Variants in SCN7A observed in about 807,000 individuals in gnomAD.
SCN7A encodes sodium channel protein type 7 subunit alpha.
In SCN7A, 138 loss-of-function variants were observed where a neutral mutation model predicts 155.2. The ratio of observed to expected loss-of-function variants is 0.89; its 90% CI spans 0.77 to 1.02. The LOEUF (loss-of-function observed/expected upper bound fraction) is 1.02. SCN7A is among the 50% of genes least tolerant of loss of function. SCN7A has a pLI of 0.00. For synonymous variants in SCN7A, 693 were observed against 649.0 expected (o/e 1.07, Z -1.03); for missense variants, 2,058 against 1,986.6 (o/e 1.04, Z -0.68).
chr2:166,489,933 A>G (rs1036148449), intron 1 of SCN7A, among the ~76,000 whole-genome samples: 1 of 152,088 alleles, frequency 6.6e-6, no homozygotes, highest in East Asian at 1.9e-4. Flanking sequence ...ATTTTAAAAA[A>G]TATTTTGTCT....
At chr2:166,481,391 T>C (rs35473442) in intron 2 of SCN7A, among the ~76,000 whole-genome samples, 17,873 of 152,166 alleles carry the variant, frequency 0.12, 1,230 homozygotes, top group Middle Eastern at 0.16. Flanking sequence ...AAATTTGCTG[T>C]ATTAGAATGG....
rs749166945 is a variant in SCN7A at position 166,406,510 on chromosome 2, C to G, written c.4119G>C (p.Leu1373Phe). Residue 1373 changes from leucine to phenylalanine, a missense_variant, in exon 26 of 26, where the codon TTG (leucine) becomes TTC (phenylalanine). Leu to Phe is a conservative substitution (Grantham distance 22). Coordinates refer to ENST00000643258, the MANE Select transcript of SCN7A (RefSeq NM_002976.4). ...PKVFHNLMLP[L>F]MLSLPALLNI... ...TCAATAATGCTGGGAGGGACAGCAT[C>G]AAAGGAAGCATCAGATTATGAAACA... 2 of 1,612,738 alleles carry G rather than the reference C, an allele frequency of 1.2e-6. No individual in the cohort carries two copies. Among genetic ancestry groups the G allele is most frequent in the South Asian group, 2.2e-5 (2 of 91,046 alleles).
chr2:166,413,243 A>G (rs1439708191), intron 21 of SCN7A, 122 bp from the exon 22 acceptor site: 1 of 466,898 alleles, frequency 2.1e-6, no homozygotes, highest in African/African-American at 2.0e-5. Flanking sequence ...ATACTGTGTA[A>G]TTGGGATCCT....
chr2:166,466,507 T>A (rs1354692546), intron 7 of SCN7A, among the ~76,000 whole-genome samples: 3 of 152,092 alleles, frequency 2.0e-5, no homozygotes, highest in African/African-American at 2.4e-5. Flanking sequence ...AATAGAGAAC[T>A]CAAACCTAAA....
intron 11 of SCN7A, among the ~76,000 whole-genome samples, chr2:166,450,090 T>A (rs1013819513): frequency 4.6e-5 from 7 of 152,002 alleles, no homozygotes; most frequent in Non-Finnish European, 1.0e-4. Flanking sequence ...GTAGACTAAA[T>A]AAAGAAAATG....
intron 20 of SCN7A, among the ~76,000 whole-genome samples, chr2:166,418,020 G>A (rs1701416446): frequency 6.6e-6 from 1 of 151,724 alleles, no homozygotes; most frequent in African/African-American, 2.4e-5. Flanking sequence ...CTCCACTGAA[G>A]CTGCTACGGC....
At chr2:166,439,565 C>T (rs540232208) in intron 15 of SCN7A, among the ~76,000 whole-genome samples, 59 of 152,256 alleles carry the variant, frequency 3.9e-4, no homozygotes, top group African/African-American at 1.4e-3. Context: ...CACATCCAAA[C>T]TGAAGCAAGA....
Position 166,456,928 on chromosome 2 carries a change from A to T in SCN7A, c.1232T>A (p.Ile411Asn), listed in dbSNP as rs1451216732. The change falls in exon 11 of 26, where the codon ATT (isoleucine) becomes AAT (asparagine). Residue 411 changes from isoleucine (I) to asparagine (N), a missense_variant. By Grantham distance (149) the Ile-to-Asn change is moderately radical (BLOSUM62 -3). Coordinates refer to ENST00000643258, the MANE Select transcript of SCN7A (RefSeq NM_002976.4). ...TCCAGTCTGTTGAAATTTTGGTTCA[A>T]TCTTCTTAGATATTTCACCAACTCT... ...KQRVGEISKKIEPKFQQTGKE... is the reference protein window; with the variant it reads ...KQRVGEISKKNEPKFQQTGKE... 6.4e-7 allele frequency: 1 copy of T among 1,567,436 alleles called. No individual in the cohort carries two copies. Among genetic ancestry groups the T allele is most frequent in the East Asian group, 2.3e-5 (1 of 42,608 alleles).
intron 14 of SCN7A, among the ~76,000 whole-genome samples, chr2:166,443,122 G>A (rs1309549894): frequency 6.6e-6 from 1 of 151,912 alleles, no homozygotes; most frequent in East Asian, 1.9e-4. Flanking sequence ...ACATTCTCCT[G>A]GTCTGACTGG....
At chr2:166,456,378 C>T (rs1319742088) in intron 11 of SCN7A, among the ~76,000 whole-genome samples, 2 of 151,708 alleles carry the variant, frequency 1.3e-5, no homozygotes, top group Non-Finnish European at 2.9e-5. Context: ...TAAAAAGATG[C>T]TCTAATAAAG....
chr2:166,477,215 C>G (rs1486240198), intron 3 of SCN7A, among the ~76,000 whole-genome samples: 1 of 151,834 alleles, frequency 6.6e-6, no homozygotes, highest in Non-Finnish European at 1.5e-5. Context: ...TTAAGGCATA[C>G]TAATACATAT....
At chr2:166,414,473 A>G (rs2105374660) in intron 21 of SCN7A, 1 of 139,190 alleles carries the variant, frequency 7.2e-6, no homozygotes, top group East Asian at 2.1e-4. Context: ...ATATATATAT[A>G]TATATATATA....
intron 23 of SCN7A, 147 bp from the exon 24 acceptor site, chr2:166,410,471 T>C: frequency 1.7e-6 from 1 of 586,056 alleles, no homozygotes; most frequent in South Asian, 2.4e-5. Flanking sequence ...TGTTTGAACA[T>C]GTCTGACTTT....
chr2:166,456,821 TATATATATAG>T lies in SCN7A; in HGVS notation c.1290+39_1290+48del, dbSNP rs753045408. Reference sequence around the variant, plus strand: ...AGACTAAAATATATATATATATATATATATATATAGATAGATAGATAGATAGATAGATAGA... The same window carrying T: ...AGACTAAAATATATATATATATATATATAGATAGATAGATAGATAGATAGA... On this transcript the variant is annotated intron_variant, in intron 11 of 25. Transcript: ENST00000643258. 2.3e-3 allele frequency: 1,575 copies of T among 682,142 alleles called. 2 individuals are homozygous for T. Among genetic ancestry groups the T allele is most frequent in the East Asian group, 4.2e-3 (110 of 26,438 alleles). 42.3% of individuals were successfully genotyped at this position (682,142 alleles called of 1,614,324 possible). A position where few individuals can be genotyped will look rare whatever the true frequency, so the allele number is the denominator to read the frequency against.
At chr2:166,475,121 C>CGTATATATATATATATATACGT (rs1553520555) in intron 3 of SCN7A, among the ~76,000 whole-genome samples, 7 of 102,212 alleles carry the variant, frequency 6.8e-5, no homozygotes, top group African/African-American at 2.4e-4. Context: ...TATATATATA[C>CGTATATATATATATATATACGT]ATATATATAT....
intron 11 of SCN7A, among the ~76,000 whole-genome samples, chr2:166,449,790 AAAAAAC>A (rs898170607): frequency 1.1e-4 from 17 of 152,340 alleles, no homozygotes; most frequent in East Asian, 1.9e-4. Context: ...AAAAGACCAA[AAAAAAC>A]AAAAACAAAA....
At chr2:166,483,142 A>C (rs1330159766) in intron 2 of SCN7A, among the ~76,000 whole-genome samples, 1 of 151,982 alleles carries the variant, frequency 6.6e-6, no homozygotes, top group Non-Finnish European at 1.5e-5. Flanking sequence ...ATTTCTGTTG[A>C]ATGTCAGTTG....
chr2:166,478,464 A>G (rs1342036369), intron 2 of SCN7A, among the ~76,000 whole-genome samples: 1 of 151,840 alleles, frequency 6.6e-6, no homozygotes, highest in Admixed American at 6.6e-5. Context: ...TTTATCAAGT[A>G]CATGTGAATA....
chr2:166,493,177 T>A (rs1683152890), intron 1 of SCN7A, among the ~76,000 whole-genome samples: 2 of 152,184 alleles, frequency 1.3e-5, no homozygotes, highest in African/African-American at 4.8e-5. Context: ...TGGGGTAAAG[T>A]ATCCACAAGA....
Sources: allele counts gnomAD v4.1 joint callset (sites outside exome capture counted in the v4.1 genomes callset), GRCh38; gene constraint gnomAD v4.1.1; transcripts MANE v1.5; gene names NCBI Gene and HGNC (gene_info 2026-07-23, HGNC 2026-07-21).